The following HDGFL3 variants were observed in gnomAD, a reference collection of about 807,000 sequenced individuals.
HDGFL3 encodes hepatoma-derived growth factor-related protein 3.
Under a neutral mutation model 27.6 loss-of-function variants are expected in HDGFL3, and 6 were observed. The ratio of observed to expected loss-of-function variants is 0.22; its 90% CI spans 0.12 to 0.43. The LOEUF is 0.43. HDGFL3 is among the 20% of genes least tolerant of loss of function. The pLI is 1.00. For synonymous variants in HDGFL3, 88 were observed against 88.9 expected, an observed-to-expected ratio of 0.99 and a Z score of 0.05; for missense variants, 207 against 250.1, an observed-to-expected ratio of 0.83 and a Z score of 1.16.
chr15:83,169,031 T>A (rs1596556359), intron 1 of HDGFL3, among the ~76,000 whole-genome samples: 1 of 151,968 alleles, frequency 6.6e-6, no homozygotes, highest in Non-Finnish European at 1.5e-5. Flanking sequence ...AGCCACATGA[T>A]CAACTCAAAA....
intron 2 of HDGFL3, among the ~76,000 whole-genome samples, chr15:83,163,175 T>C (rs2037121848): frequency 6.6e-6 from 1 of 152,234 alleles, no homozygotes; most frequent in Admixed American, 6.5e-5. Flanking sequence ...AAAAAGAAGT[T>C]AGTTGACAGC....
intron 5 of HDGFL3, among the ~76,000 whole-genome samples, chr15:83,145,594 G>A (rs745796640): frequency 7.9e-5 from 12 of 151,942 alleles, no homozygotes; most frequent in Non-Finnish European, 1.5e-4. Context: ...TACCTTCCCT[G>A]AAAATAAAAG....
chr15:83,121,921 G>C, intron 3 of HDGFL3: 1 of 1,596,628 alleles, frequency 6.3e-7, no homozygotes, highest in Non-Finnish European at 8.5e-7. Flanking sequence ...GTTGTTACAG[G>C]GAAACTTATA....
intron 3 of HDGFL3, among the ~76,000 whole-genome samples, chr15:83,117,008 G>A (rs1403210373): frequency 6.6e-6 from 1 of 152,222 alleles, no homozygotes; most frequent in African/African-American, 2.4e-5. Flanking sequence ...GTGGGGAGAT[G>A]GAATTGTCCC....
intron 1 of HDGFL3, among the ~76,000 whole-genome samples, chr15:83,178,100 G>T (rs1383933887): frequency 7.9e-5 from 12 of 152,190 alleles, no homozygotes; most frequent in Admixed American, 7.9e-4. Context: ...AAAGGAAAAT[G>T]TATTTGCTTT....
At chr15:83,141,184 T>C (rs1205334683) in intron 5 of HDGFL3, among the ~76,000 whole-genome samples, 5 of 152,220 alleles carry the variant, frequency 3.3e-5, no homozygotes, top group African/African-American at 9.6e-5. Flanking sequence ...TGAAGTCTCC[T>C]CTGAGTAAGT....
chr15:83,121,969 G>T, intron 3 of HDGFL3: 8 of 1,611,402 alleles, frequency 5.0e-6, no homozygotes, highest in Non-Finnish European at 6.8e-6. Context: ...CTATTATTAT[G>T]AGTGTTGTTG....
Sources: allele counts gnomAD v4.1 joint callset (sites outside exome capture counted in the v4.1 genomes callset), GRCh38; gene constraint gnomAD v4.1.1; transcripts MANE v1.5; gene names NCBI Gene and HGNC (gene_info 2026-07-23, HGNC 2026-07-21).